Variants in ARL13A observed in about 807,000 individuals in gnomAD.
ARL13A encodes ADP-ribosylation factor-like protein 13A.
ARL13A carries 16 observed loss-of-function variants against 19.1 expected under a neutral mutation model. The ratio of observed to expected loss-of-function variants is 0.84; its 90% CI spans 0.57 to 1.27. The LOEUF (loss-of-function observed/expected upper bound fraction) is 1.27, where lower values mean the gene tolerates loss of function less well. ARL13A is among the 50% of genes most tolerant of loss of function. The probability of loss-of-function intolerance (pLI) is 0.00; values close to 1 mark genes in which losing one functional copy is unlikely to be tolerated. For missense variants in ARL13A, 153 were observed against 186.4 expected (o/e 0.82, Z 1.04); for synonymous variants, 69 against 71.3 (o/e 0.97, Z 0.17).
intron 3 of ARL13A, among the ~76,000 whole-genome samples, chrX:100,985,450 G>T (rs1602464052): frequency 8.9e-6 from 1 of 112,030 alleles, no homozygotes; most frequent in African/African-American, 3.2e-5. Flanking sequence ...GGATGCTTCA[G>T]TGGGATTTCT....
chrX:100,973,913 A>G (rs1218926233), intron 2 of ARL13A, among the ~76,000 whole-genome samples, 165 bp downstream of exon 2: 1 of 111,458 alleles, frequency 9.0e-6, no homozygotes, highest in African/African-American at 3.3e-5. Flanking sequence ...CCAATTGTAC[A>G]AGGTTAAGTG....
chrX:100,973,642 ACTT>A (rs1273709390), intron 1 of ARL13A, 31 bp from the exon 2 acceptor site: 2 of 1,171,695 alleles, frequency 1.7e-6, no homozygotes, highest in Non-Finnish European at 1.2e-6. Context: ...AACAGGACTT[ACTT>A]CTTATTTTCT....
chrX:100,990,721 C>A lies in ARL13A; in HGVS notation c.*133C>A. The A allele has an allele frequency of 1.7e-6, 1 of 589,690 alleles. No homozygotes were observed. The allele number at this position is 589,690 out of a possible 1,213,427, so 48.6% of individuals were successfully genotyped here. ...GGACAATAAGTCATGGGTGATCAAC[C>A]AAAACTGAGCCTTAGAAATACAGGG... is the stretch of plus-strand genomic sequence containing the variant. On this transcript the variant is annotated 3_prime_UTR_variant, in exon 8 of 8. Coordinates refer to ENST00000450049, the MANE Select transcript of ARL13A (RefSeq NM_001162491.2).
At position 100,987,354 on chromosome X, in the gene ARL13A, T is replaced by A. The variant is rs767663142; in HGVS notation, c.487-36T>A. 1.3e-5 allele frequency: 15 copies of A among 1,197,738 alleles called. No individual in the cohort carries two copies. In the East Asian group the frequency reaches 4.2e-4, roughly 33 times the overall value. ...TCTGCGGGCCCCAGGGGTCCCAGGCTCCAGGTCTGCAGCCTTCTCTTCTCT... is the reference window on the plus strand; with the variant it reads ...TCTGCGGGCCCCAGGGGTCCCAGGCACCAGGTCTGCAGCCTTCTCTTCTCT... On this transcript the variant is annotated intron_variant, in intron 5 of 7. Transcript: ENST00000450049.
At chrX:100,971,223 A>G (rs1569459809) in intron 1 of ARL13A, among the ~76,000 whole-genome samples, 1 of 100,088 alleles carries the variant, frequency 1.0e-5, no homozygotes, top group Non-Finnish European at 2.0e-5. Context: ...GTTTGAATCC[A>G]GACTAGACGA....
chrX:100,978,290 C>T (rs772839535), intron 3 of ARL13A, among the ~76,000 whole-genome samples: 1 of 111,873 alleles, frequency 8.9e-6, no homozygotes, highest in African/African-American at 3.2e-5. Flanking sequence ...TCTGTCCAAA[C>T]TGAAAGTGGG....
chrX:100,971,408 TGA>T (rs2085646262), intron 1 of ARL13A, among the ~76,000 whole-genome samples: 1 of 108,575 alleles, frequency 9.2e-6, no homozygotes, highest in East Asian at 2.9e-4. Flanking sequence ...TCCGCAAGGT[TGA>T]ATAAACATAT....
At position 100,987,537 on chromosome X, in the gene ARL13A, G is replaced by A. The variant is rs766472330; in HGVS notation, c.634G>A (p.Glu212Lys). Residue 212 changes from glutamate to lysine, a missense_variant, in exon 6 of 8, where the codon GAA becomes AAA. By Grantham distance (56) the Glu-to-Lys change is moderately conservative. Transcript: ENST00000450049. ...CTCCAAGAATAACACAGGCTCTGGA[G>A]AAAGATGCTCATCACACAGGTACTG... ...SISKNNTGSG[E>K]RCSSHSFSTR... is the part of the protein sequence containing the mutation. 2.8e-5 allele frequency: 34 copies of A among 1,211,064 alleles called. No homozygotes were observed. Among genetic ancestry groups the A allele is most frequent in the Middle Eastern group, 2.3e-4 (1 of 4,347 alleles).
At chrX:100,972,349 G>C (rs1410456854) in intron 1 of ARL13A, among the ~76,000 whole-genome samples, 8 of 100,023 alleles carry the variant, frequency 8.0e-5, no homozygotes, top group South Asian at 5.1e-4. Flanking sequence ...GCGGCTGGCC[G>C]GGCGGGGGGC....
At chrX:100,986,965 T>G in intron 5 of ARL13A, 64 bp downstream of exon 5, 1 of 778,994 alleles carries the variant, frequency 1.3e-6, no homozygotes, top group Non-Finnish European at 1.8e-6. Context: ...CTTGGCCCAT[T>G]CTATAGTCAG....
Position 100,990,710 on chromosome X carries a change from G to A in ARL13A, c.*122G>A, listed in dbSNP as rs749424561. 1 of 738,537 alleles carries A rather than the reference G, an allele frequency of 1.4e-6. No homozygotes were observed. The highest frequency in any genetic ancestry group is 2.7e-5 in the South Asian group (1 of 37,164). The allele number at this position is 738,537 out of a possible 1,213,427, so 60.9% of individuals were successfully genotyped here. On this transcript the variant is annotated 3_prime_UTR_variant, in exon 8 of 8. Coordinates refer to ENST00000450049, the MANE Select transcript of ARL13A (RefSeq NM_001162491.2). ...ACAAAGCTTGTGGACAATAAGTCAT[G>A]GGTGATCAACCAAAACTGAGCCTTA...
Position 100,986,879 on chromosome X carries a change from A to T in ARL13A, c.464A>T (p.Glu155Val). The change falls in exon 5 of 8, where the codon GAG (glutamate) becomes GTG (valine). Residue 155 changes from glutamate to valine, a missense_variant. Coordinates refer to ENST00000450049, the MANE Select transcript of ARL13A (RefSeq NM_001162491.2). Reference protein sequence around the residue: ...DYLLLKKLVKENKCPCRVEPC... With the variant: ...DYLLLKKLVKVNKCPCRVEPC... ...CTACTTCTAAAGAAGCTAGTGAAAGAGAATAAGTGCCCATGCCGAGTAGTA... is the reference window on the plus strand; with the variant it reads ...CTACTTCTAAAGAAGCTAGTGAAAGTGAATAAGTGCCCATGCCGAGTAGTA... 1 of 1,196,018 alleles carries T rather than the reference A, an allele frequency of 8.4e-7. No individual in the cohort carries two copies. Among genetic ancestry groups the T allele is most frequent in the Non-Finnish European group, 1.1e-6 (1 of 884,527 alleles).
chrX:100,977,340 C>G (rs188253675), intron 3 of ARL13A, among the ~76,000 whole-genome samples: 8 of 106,708 alleles, frequency 7.5e-5, no homozygotes, highest in Non-Finnish European at 1.3e-4. Flanking sequence ...ATCCTTTCCA[C>G]CCTGTAGTAA....
chrX:100,981,738 G>A (rs1159675858), intron 3 of ARL13A, among the ~76,000 whole-genome samples: 1 of 108,570 alleles, frequency 9.2e-6, no homozygotes, highest in Non-Finnish European at 1.9e-5. Context: ...GAGTCCAGGA[G>A]GTCAAGGCTG....
chrX:100,979,193 T>C (rs1200817154), intron 3 of ARL13A, among the ~76,000 whole-genome samples: 1 of 111,914 alleles, frequency 8.9e-6, no homozygotes, highest in African/African-American at 3.2e-5. Context: ...ATTCTGTATT[T>C]GTCTGTATGA....
At chrX:100,988,694 G>A (rs1056868402) in intron 7 of ARL13A, 4 of 357,778 alleles carry the variant, frequency 1.1e-5, no homozygotes, top group African/African-American at 8.5e-5. Flanking sequence ...GCACCTTCCT[G>A]TAGGAAGGGT....
At chrX:100,988,350 T>C in intron 7 of ARL13A, 67 bp downstream of exon 7, 2 of 1,205,069 alleles carry the variant, frequency 1.7e-6, no homozygotes, top group Non-Finnish European at 1.1e-6. Context: ...CAACTAACTT[T>C]CCCCCCCATC....
intron 4 of ARL13A, 89 bp downstream of exon 4, chrX:100,986,005 C>A: frequency 9.4e-7 from 1 of 1,063,168 alleles, no homozygotes; most frequent in Non-Finnish European, 1.2e-6. Context: ...CCCTTTGTCA[C>A]ACCCAGCTAG....
intron 3 of ARL13A, 31 bp downstream of exon 3, chrX:100,974,228 TG>T: frequency 9.2e-7 from 1 of 1,082,642 alleles, no homozygotes; most frequent in Non-Finnish European, 1.3e-6. Flanking sequence ...GATACTGGCG[TG>T]GGTCTCCCAT....
Sources: allele counts gnomAD v4.1 joint callset (sites outside exome capture counted in the v4.1 genomes callset), GRCh38; gene constraint gnomAD v4.1.1; transcripts MANE v1.5; gene names NCBI Gene and HGNC (gene_info 2026-07-23, HGNC 2026-07-21).